ATP9B: variants seen among roughly 807,000 people sequenced by gnomAD.
ATP9B encodes ATPase phospholipid transporting 9B, also known as probable phospholipid-transporting ATPase IIB.
A neutral mutation model predicts 146.1 loss-of-function variants in ATP9B; 110 were observed. That is an observed-to-expected ratio of 0.75 (90% CI 0.65 to 0.88). The LOEUF (loss-of-function observed/expected upper bound fraction) is 0.88. ATP9B is among the 40% of genes least tolerant of loss of function. ATP9B has a pLI of 0.00. For synonymous variants in ATP9B, 604 were observed against 569.7 expected (o/e 1.06, Z -0.86); for missense variants, 1,499 against 1,496.4 (o/e 1.00, Z -0.03).
At chr18:79,237,348 C>G (rs892593128) in intron 11 of ATP9B, among the ~76,000 whole-genome samples, 2 of 145,416 alleles carry the variant, frequency 1.4e-5, no homozygotes, top group African/African-American at 2.6e-5. Flanking sequence ...TGTGCACGGT[C>G]CGTGCACGAG....
At chr18:79,301,839 C>A (rs192198184) in intron 13 of ATP9B, among the ~76,000 whole-genome samples, 89 of 152,282 alleles carry the variant, frequency 5.8e-4, no homozygotes, top group African/African-American at 2.0e-3. Context: ...TTATTATATT[C>A]ACTCTTCTAA....
chr18:79,347,824 A>G lies in ATP9B; in HGVS notation c.2737A>G (p.Ile913Val), dbSNP rs760998248. ...CTTCTCCATCACGCAGTTCCGGCACATAGGCAGGCTGCTCATGGTGCACGG... is the reference window on the plus strand; with the variant it reads ...CTTCTCCATCACGCAGTTCCGGCACGTAGGCAGGCTGCTCATGGTGCACGG... ...ADFSITQFRHIGRLLMVHGRN... is the reference protein window; with the variant it reads ...ADFSITQFRHVGRLLMVHGRN... The change falls in exon 24 of 30, where the codon ATA (isoleucine) becomes GTA (valine). Residue 913 changes from isoleucine to valine, a missense_variant. By Grantham distance (29) the Ile-to-Val change is conservative. Transcript: ENST00000426216. 2.5e-6 allele frequency: 4 copies of G among 1,613,392 alleles called. No homozygotes were observed. The highest frequency in any genetic ancestry group is 2.2e-5 in the East Asian group (1 of 44,834).
intron 11 of ATP9B, among the ~76,000 whole-genome samples, chr18:79,246,757 C>T (rs1419295637): frequency 2.0e-5 from 3 of 152,220 alleles, no homozygotes; most frequent in African/African-American, 7.2e-5. Context: ...TCCCAGCCGC[C>T]TATGGGAGGT....
In ATP9B at chr18:79,245,078, C is replaced by G. The variant is rs542032634; in HGVS notation, c.1108-8303C>G. Among the ~76,000 whole-genome samples, 478 of 152,304 alleles carry G rather than the reference C, an allele frequency of 3.1e-3. 2 individuals carry two copies. Among genetic ancestry groups the G allele is most frequent in the African/African-American group, 0.011 (462 of 41,554 alleles). On this transcript the variant is annotated intron_variant, in intron 11 of 29. Coordinates refer to ENST00000426216, the MANE Select transcript of ATP9B (RefSeq NM_198531.5). ...CTGAGGTCCAGTGACCTCCCACCCC[C>G]CACTGTCAGGATCTGCTCTTCTTGG...
Position 79,132,219 on chromosome 18 carries a change from A to G in ATP9B, c.667+5844A>G, listed in dbSNP as rs1443062441. On this transcript the variant is annotated intron_variant, in intron 5 of 29. Transcript: ENST00000426216. ...AGGTACTTTAAAAATAATTTTCAGT[A>G]TGTTTATTTCAAATGTACATGAAAA... is the stretch of plus-strand genomic sequence containing the variant. 3.9e-5 allele frequency among the ~76,000 whole-genome samples: 6 copies of G among 152,312 alleles called. No homozygotes were observed. In the South Asian group the frequency reaches 8.3e-4, roughly 21 times the overall value.
intron 8 of ATP9B, among the ~76,000 whole-genome samples, chr18:79,185,221 A>T (rs1008334399): frequency 6.6e-6 from 1 of 152,210 alleles, no homozygotes; most frequent in Non-Finnish European, 1.5e-5. Flanking sequence ...ACGTGCAGTT[A>T]TTGCATGGAA....
chr18:79,213,718 C>T (rs184984890), intron 10 of ATP9B, among the ~76,000 whole-genome samples: 166 of 152,202 alleles, frequency 1.1e-3, no homozygotes, highest in Middle Eastern at 3.4e-3. Context: ...AATATTAGTA[C>T]GTTTCCTAAT....
At chr18:79,165,123 T>C (rs975960741) in intron 7 of ATP9B, among the ~76,000 whole-genome samples, 1 of 152,246 alleles carries the variant, frequency 6.6e-6, no homozygotes, top group African/African-American at 2.4e-5. Flanking sequence ...CCCTGAATTT[T>C]ACAACATAAC....
rs147810207 is a variant in ATP9B at position 79,157,207 on chromosome 18, TACACACACAC to T, written c.778+2683_778+2692del. On this transcript the variant is annotated intron_variant, in intron 7 of 29. Transcript: ENST00000426216. ...AAAACCCCGTCTCTACTAAAAAAAA[TACACACACAC>T]ACACACACACACACACACACACACA... Among the ~76,000 whole-genome samples the T allele has an allele frequency of 1.2e-3, 163 of 135,380 alleles. 1 individual carries two copies. Among genetic ancestry groups the T allele is most frequent in the East Asian group, 4.5e-3 (21 of 4,670 alleles). 88.8% of individuals were successfully genotyped at this position (135,380 alleles called of 152,430 possible).
chr18:79,131,499 T>G (rs976793446), intron 5 of ATP9B, among the ~76,000 whole-genome samples: 2 of 152,184 alleles, frequency 1.3e-5, no homozygotes, highest in African/African-American at 4.8e-5. Context: ...CTAGGTTGGC[T>G]GTAATTTTAA....
At chr18:79,264,965 A>G (rs1256853330) in intron 12 of ATP9B, among the ~76,000 whole-genome samples, 1 of 152,214 alleles carries the variant, frequency 6.6e-6, no homozygotes, top group Non-Finnish European at 1.5e-5. Context: ...TGATATAGGC[A>G]GACTTGTGTC....
chr18:79,271,580 A>C (rs1023271100), intron 12 of ATP9B, among the ~76,000 whole-genome samples: 25 of 152,266 alleles, frequency 1.6e-4, no homozygotes, highest in African/African-American at 5.3e-4. Context: ...ATCATTTTTT[A>C]TGGCTGCATA....
At chr18:79,372,425 G>T (rs2097077149) in intron 26 of ATP9B, 3 of 362,000 alleles carry the variant, frequency 8.3e-6, no homozygotes, top group South Asian at 6.4e-5. Context: ...TGTATCTTTT[G>T]ATCTGAAAAA....
chr18:79,361,820 G>C, intron 26 of ATP9B: 3 of 985,370 alleles, frequency 3.0e-6, no homozygotes, highest in Non-Finnish European at 3.6e-6. Flanking sequence ...TGCCAACGCA[G>C]TTTATCCACA....
intron 29 of ATP9B, among the ~76,000 whole-genome samples, chr18:79,376,640 T>A (rs533833622): frequency 6.6e-6 from 1 of 151,472 alleles, no homozygotes; most frequent in Non-Finnish European, 1.5e-5. Flanking sequence ...TCCACCCACC[T>A]CAGCCTCGCA....
intron 15 of ATP9B, among the ~76,000 whole-genome samples, chr18:79,327,311 G>A (rs2096753014): frequency 1.3e-5 from 2 of 152,224 alleles, no homozygotes. Context: ...ACTCACCCAG[G>A]CTGTGAGGGG....
chr18:79,314,754 G>A (rs192158016), intron 15 of ATP9B, among the ~76,000 whole-genome samples: 1 of 152,342 alleles, frequency 6.6e-6, no homozygotes, highest in Non-Finnish European at 1.5e-5. Context: ...AACGTTAAAT[G>A]CTCTCTGGAA....
rs754999879 is a variant in ATP9B, at chr18:79,214,003, C to G, written c.1072C>G (p.Arg358Gly). ...GVVIYTGKET[R>G]SVMNTSNPKN... ...TGTCATTTATACCGGAAAAGAGACT[C>G]GAAGTGTAATGAACACATCCAATCC... Residue 358 changes from arginine (R) to glycine (G), a missense_variant, in exon 11 of 30, where the codon CGA (arginine) becomes GGA (glycine). Transcript: ENST00000426216. 5.0e-6 allele frequency: 8 copies of G among 1,606,010 alleles called. No individual in the cohort carries two copies. The South Asian group carries it at 8.9e-5, about 18-fold the overall frequency.
At chr18:79,289,049 T>G (rs924777582) in intron 13 of ATP9B, among the ~76,000 whole-genome samples, 1 of 152,126 alleles carries the variant, frequency 6.6e-6, no homozygotes, top group African/African-American at 2.4e-5. Context: ...CCCTTAACAT[T>G]TTTTCCTTCA....
Sources: allele counts gnomAD v4.1 joint callset (sites outside exome capture counted in the v4.1 genomes callset), GRCh38; gene constraint gnomAD v4.1.1; transcripts MANE v1.5; gene names NCBI Gene and HGNC (gene_info 2026-07-23, HGNC 2026-07-21).